SPIRE1: variants seen among roughly 807,000 people sequenced by gnomAD.
SPIRE1 encodes spire type actin nucleation factor 1.
Under a neutral mutation model 94.1 loss-of-function variants are expected in SPIRE1, and 40 were observed. The ratio of observed to expected loss-of-function variants is 0.43; its 90% CI spans 0.33 to 0.55. The LOEUF (loss-of-function observed/expected upper bound fraction) is 0.55. Ranked by LOEUF, SPIRE1 falls within the 20% of genes least tolerant of loss-of-function variation. SPIRE1 has a pLI of 0.06. For missense variants in SPIRE1, 838 were observed against 975.2 expected, an observed-to-expected ratio of 0.86 and a Z score of 1.87; for synonymous variants, 376 against 371.7, an observed-to-expected ratio of 1.01 and a Z score of -0.13.
chr18:12,486,087 A>T, intron 8 of SPIRE1, 87 bp from the exon 9 acceptor site: 1 of 1,015,420 alleles, frequency 9.8e-7, no homozygotes, highest in Non-Finnish European at 1.5e-6. Flanking sequence ...CGGATTAATG[A>T]AGACCCTTAG....
intron 10 of SPIRE1, among the ~76,000 whole-genome samples, chr18:12,477,102 G>A (rs2032633382): frequency 6.6e-6 from 1 of 152,188 alleles, no homozygotes; most frequent in South Asian, 2.1e-4. Context: ...TTCAAAAAGA[G>A]GACCACAAAG....
At chr18:12,464,455 A>C (rs1027460110) in intron 11 of SPIRE1, among the ~76,000 whole-genome samples, 2 of 151,806 alleles carry the variant, frequency 1.3e-5, no homozygotes, top group Non-Finnish European at 2.9e-5. Flanking sequence ...TCTATCTCCT[A>C]AAGAGTTATA....
intron 3 of SPIRE1, among the ~76,000 whole-genome samples, chr18:12,538,112 A>T (rs977507443): frequency 6.6e-6 from 1 of 152,158 alleles, no homozygotes; most frequent in Non-Finnish European, 1.5e-5. Context: ...ACAGCTAGTC[A>T]ATGGCATAAA....
At chr18:12,526,574 A>G (rs2034529733) in intron 4 of SPIRE1, among the ~76,000 whole-genome samples, 1 of 152,234 alleles carries the variant, frequency 6.6e-6, no homozygotes, top group Admixed American at 6.5e-5. Flanking sequence ...CACTTAAAAC[A>G]TGGCTTCTGT....
chr18:12,546,621 G>T, intron 3 of SPIRE1, 53 bp downstream of exon 3: 1 of 1,360,782 alleles, frequency 7.3e-7, no homozygotes, highest in Non-Finnish European at 1.0e-6. Flanking sequence ...AAAAAAAGAA[G>T]AAGAAATAAC....
intron 2 of SPIRE1, among the ~76,000 whole-genome samples, chr18:12,593,554 C>T (rs898321318): frequency 2.0e-5 from 3 of 152,278 alleles, no homozygotes; most frequent in Admixed American, 6.5e-5. Context: ...ACTAAATTCC[C>T]GCTATATACC....
At chr18:12,518,494 A>G (rs1484512943) in intron 4 of SPIRE1, among the ~76,000 whole-genome samples, 1 of 145,496 alleles carries the variant, frequency 6.9e-6, no homozygotes, top group Admixed American at 6.9e-5. Flanking sequence ...CCTGTCTCAC[A>G]CACACAAAAA....
chr18:12,553,594 T>C (rs2035418972), intron 2 of SPIRE1, among the ~76,000 whole-genome samples: 1 of 151,894 alleles, frequency 6.6e-6, no homozygotes, highest in South Asian at 2.1e-4. Context: ...TAGGCAGATT[T>C]CTAAGGTTTC....
Position 12,545,987 on chromosome 18 carries a change from T to TTTATTA in SPIRE1, c.603+681_603+686dup, listed in dbSNP as rs571457451. Among the ~76,000 whole-genome samples the TTTATTA allele has an allele frequency of 9.5e-3, 1,445 of 151,970 alleles. 25 individuals are homozygous for TTTATTA. Among genetic ancestry groups the TTTATTA allele is most frequent in the African/African-American group, 0.033 (1,360 of 41,450 alleles). On this transcript the variant is annotated intron_variant, in intron 3 of 16. Coordinates refer to ENST00000409402, the MANE Select transcript of SPIRE1 (RefSeq NM_001128626.2). ...ATTATTAAATGCCGAATCACCGTTCTTTATTATTATTATTATTATTGAGAC... is the reference window on the plus strand; with the variant it reads ...ATTATTAAATGCCGAATCACCGTTCTTTATTATTATTATTATTATTATTATTGAGAC...
intron 6 of SPIRE1, among the ~76,000 whole-genome samples, chr18:12,497,468 C>G (rs940170290): frequency 6.6e-6 from 1 of 152,288 alleles, no homozygotes; most frequent in African/African-American, 2.4e-5. Flanking sequence ...CCTGTCCCTT[C>G]CCCAGACGTG....
chr18:12,578,691 C>T (rs1183787668), intron 2 of SPIRE1, among the ~76,000 whole-genome samples: 1 of 152,162 alleles, frequency 6.6e-6, no homozygotes, highest in Non-Finnish European at 1.5e-5. Flanking sequence ...AGACTCTACC[C>T]ACTATCCGAT....
At chr18:12,644,681 C>T (rs58011896) in intron 1 of SPIRE1, among the ~76,000 whole-genome samples, 21,133 of 152,174 alleles carry the variant, frequency 0.14, 1,711 homozygotes, top group African/African-American at 0.2. Flanking sequence ...CATGGACACC[C>T]ACATTTCAAA....
intron 4 of SPIRE1, among the ~76,000 whole-genome samples, chr18:12,514,718 T>A (rs1395192706): frequency 6.6e-6 from 1 of 152,152 alleles, no homozygotes; most frequent in East Asian, 1.9e-4. Context: ...GGGAGCGGTA[T>A]CTTATCTGCC....
intron 2 of SPIRE1, 127 bp from the exon 3 acceptor site, chr18:12,547,031 T>G: frequency 3.3e-6 from 2 of 598,688 alleles, no homozygotes; most frequent in Middle Eastern, 2.9e-4. Context: ...ACAAACCCTT[T>G]TTATATTCTC....
chr18:12,471,748 T>C (rs2032369430), intron 10 of SPIRE1, among the ~76,000 whole-genome samples: 1 of 152,364 alleles, frequency 6.6e-6, no homozygotes. Context: ...TACTAACTCT[T>C]TGAACCTAGG....
intron 2 of SPIRE1, among the ~76,000 whole-genome samples, chr18:12,614,642 C>G (rs911671243): frequency 6.6e-6 from 1 of 151,432 alleles, no homozygotes; most frequent in Non-Finnish European, 1.5e-5. Context: ...ATGGTGAAAC[C>G]CCGTCTCTAC....
At chr18:12,624,475 G>A (rs982021803) in intron 2 of SPIRE1, among the ~76,000 whole-genome samples, 13 of 150,258 alleles carry the variant, frequency 8.7e-5, no homozygotes, top group Non-Finnish European at 1.3e-4. Context: ...CCCAGGAGGC[G>A]GGGGTTGCAG....
intron 2 of SPIRE1, among the ~76,000 whole-genome samples, chr18:12,628,458 AG>A (rs1376730939): frequency 6.6e-6 from 1 of 152,124 alleles, no homozygotes; most frequent in Non-Finnish European, 1.5e-5. Context: ...GTAGCCTTGT[AG>A]TATAGTTTGA....
rs1598596013 is a variant in SPIRE1, at chr18:12,657,915, C to T, written c.-49G>A. On this transcript the variant is annotated 5_prime_UTR_variant, in exon 1 of 17. Transcript: ENST00000409402. Reference sequence around the variant, plus strand: ...GCAGTCGCGCCGTGTGCCGGCGTCTCCTCAGCTCCGGAGCATCGTCGTCGC... The same window carrying T: ...GCAGTCGCGCCGTGTGCCGGCGTCTTCTCAGCTCCGGAGCATCGTCGTCGC... The T allele has an allele frequency of 3.9e-6, 4 of 1,025,128 alleles. No individual in the cohort carries two copies. The East Asian group carries it at 3.8e-4, about 97-fold the overall frequency. The allele number at this position is 1,025,128 out of a possible 1,614,324, so 63.5% of individuals were successfully genotyped here.
Sources: gnomAD v4.1 joint callset for allele counts (sites outside exome capture counted in the v4.1 genomes callset) on GRCh38, gnomAD v4.1.1 for gene constraint, MANE v1.5 for transcripts, NCBI Gene and HGNC (gene_info 2026-07-23, HGNC 2026-07-21) for gene names.